PTPN3: variants seen among roughly 807,000 people sequenced by gnomAD.
The protein encoded by PTPN3 is protein tyrosine phosphatase non-receptor type 3.
In PTPN3, 96 loss-of-function variants were observed where a neutral mutation model predicts 132.7. That is an observed-to-expected ratio of 0.72 (90% CI 0.61 to 0.86). The LOEUF is 0.86. Among genes scored for constraint, PTPN3 ranks in the 40% least tolerant of loss-of-function variants. The pLI is 0.00. For synonymous variants in PTPN3, 398 were observed against 429.0 expected (o/e 0.93, Z 0.89); for missense variants, 1,125 against 1,159.6 (o/e 0.97, Z 0.43).
At chr9:109,486,691 G>A (rs1290792770) in intron 1 of PTPN3, among the ~76,000 whole-genome samples, 1 of 152,158 alleles carries the variant, frequency 6.6e-6, no homozygotes, top group Non-Finnish European at 1.5e-5. Context: ...GATTGGAAAT[G>A]CCCAGTGATA....
chr9:109,503,761 G>A, the PTPN3 span, among the ~76,000 whole-genome samples: 1 of 152,206 alleles, frequency 6.6e-6, no homozygotes, highest in East Asian at 1.9e-4. Context: ...GTAAAAGAGG[G>A]ATTTTGTCTG....
At chr9:109,429,633 C>T (rs1233755547) in intron 10 of PTPN3, among the ~76,000 whole-genome samples, 1 of 152,172 alleles carries the variant, frequency 6.6e-6, no homozygotes, top group African/African-American at 2.4e-5. Flanking sequence ...TTGCAGGATG[C>T]GAAACCCACA....
intron 9 of PTPN3, among the ~76,000 whole-genome samples, chr9:109,434,396 C>A (rs1480138496): frequency 1.4e-5 from 2 of 147,192 alleles, no homozygotes; most frequent in Non-Finnish European, 3.0e-5. Context: ...GCAGCCTCAA[C>A]CTCCTGGGCT....
chr9:109,411,010 G>A, intron 14 of PTPN3, among the ~76,000 whole-genome samples: 1 of 152,188 alleles, frequency 6.6e-6, no homozygotes, highest in East Asian at 1.9e-4. Flanking sequence ...GAGCTGCACT[G>A]TCTAGTATGG....
At chr9:109,463,065 G>A (rs559358479) in intron 2 of PTPN3, among the ~76,000 whole-genome samples, 17 of 151,238 alleles carry the variant, frequency 1.1e-4, no homozygotes, top group Non-Finnish European at 2.2e-4. Context: ...ACCAACATCT[G>A]AGCGTCAAAC....
intron 1 of PTPN3, among the ~76,000 whole-genome samples, chr9:109,479,328 G>C (rs1006624501): frequency 6.6e-6 from 1 of 152,136 alleles, no homozygotes; most frequent in African/African-American, 2.4e-5. Context: ...TGTTTTTAAG[G>C]TTCCTCCATA....
intron 19 of PTPN3, among the ~76,000 whole-genome samples, chr9:109,394,096 T>C (rs1339135276): frequency 6.6e-6 from 1 of 152,226 alleles, no homozygotes; most frequent in Non-Finnish European, 1.5e-5. Flanking sequence ...TAATGATTTA[T>C]TAGAGGTTTT....
chr9:109,451,991 C>T (rs542269800), intron 5 of PTPN3, among the ~76,000 whole-genome samples: 2 of 152,072 alleles, frequency 1.3e-5, no homozygotes, highest in South Asian at 2.1e-4. Context: ...GAAGTAAGGC[C>T]GGGCACAGAG....
chr9:109,413,445 T>G (rs1353359111), intron 14 of PTPN3, among the ~76,000 whole-genome samples: 1 of 152,160 alleles, frequency 6.6e-6, no homozygotes, highest in Non-Finnish European at 1.5e-5. Context: ...AATGAGTAAG[T>G]GGCAGCTGGC....
At chr9:109,435,459 C>T (rs1004712759) in intron 9 of PTPN3, among the ~76,000 whole-genome samples, 2 of 152,148 alleles carry the variant, frequency 1.3e-5, no homozygotes, top group Non-Finnish European at 2.9e-5. Context: ...GAAGCAGCCT[C>T]GACTGCTGAG....
In PTPN3 at chr9:109,408,601, G is replaced by A. The variant is rs550995713; in HGVS notation, c.1579-224C>T. 4.0e-5 allele frequency among the ~76,000 whole-genome samples: 6 copies of A among 151,596 alleles called. No individual in the cohort carries two copies. In the South Asian group the frequency reaches 1.3e-3, roughly 32 times the overall value. ...CCTCTGGATCCAGCGGGCTGACCAGGACTCTGTTCAGAAGCCTCCCTCTGC... is the reference window on the plus strand; with the variant it reads ...CCTCTGGATCCAGCGGGCTGACCAGAACTCTGTTCAGAAGCCTCCCTCTGC... On this transcript the variant is annotated intron_variant, in intron 16 of 25. Transcript: ENST00000374541.
chr9:109,432,425 T>G (rs543454534), intron 10 of PTPN3, among the ~76,000 whole-genome samples: 96 of 152,172 alleles, frequency 6.3e-4, no homozygotes, highest in Admixed American at 2.7e-3. Flanking sequence ...TGTACCTTCC[T>G]GGCAATGCGT....
At chr9:109,530,837 C>T in the PTPN3 span, among the ~76,000 whole-genome samples, 1 of 152,170 alleles carries the variant, frequency 6.6e-6, no homozygotes, top group Non-Finnish European at 1.5e-5. Context: ...AGCAACTTTT[C>T]ATGTCCTTAT....
At chr9:109,382,169 C>T (rs1168699509) in intron 24 of PTPN3, 133 bp downstream of exon 24, 3 of 1,143,900 alleles carry the variant, frequency 2.6e-6, no homozygotes, top group East Asian at 2.6e-5. Context: ...TGGTGAAGAA[C>T]CACAGTCAAC....
chr9:109,407,265 T>C (rs1324988839), intron 17 of PTPN3, among the ~76,000 whole-genome samples: 1 of 152,172 alleles, frequency 6.6e-6, no homozygotes, highest in Non-Finnish European at 1.5e-5. Flanking sequence ...GACACACCTG[T>C]GGTCTCAGCG....
At chr9:109,482,391 G>A (rs1415664891) in intron 1 of PTPN3, among the ~76,000 whole-genome samples, 1 of 152,202 alleles carries the variant, frequency 6.6e-6, no homozygotes, top group East Asian at 1.9e-4. Context: ...TTGTTATAAA[G>A]TTGTATCTAC....
At chr9:109,408,793 A>AT (rs1564404031) in intron 16 of PTPN3, among the ~76,000 whole-genome samples, 11,460 of 74,172 alleles carry the variant, frequency 0.15, 659 homozygotes, top group South Asian at 0.24. Context: ...AAAAAAAAAA[A>AT]AAAATATATA....
intron 2 of PTPN3, among the ~76,000 whole-genome samples, chr9:109,462,932 G>T (rs1196326152): frequency 1.3e-5 from 2 of 151,318 alleles, no homozygotes; most frequent in South Asian, 4.2e-4. Flanking sequence ...GCAACCTGAC[G>T]TGGGCTCTAA....
At chr9:109,470,660 C>T (rs1846334397) in intron 1 of PTPN3, among the ~76,000 whole-genome samples, 1 of 150,388 alleles carries the variant, frequency 6.6e-6, no homozygotes, top group African/African-American at 2.5e-5. Context: ...CGCACCACTG[C>T]TCTGCAGCCT....
Sources: gnomAD v4.1 joint callset for allele counts (sites outside exome capture counted in the v4.1 genomes callset) on GRCh38, gnomAD v4.1.1 for gene constraint, MANE v1.5 for transcripts, NCBI Gene and HGNC (gene_info 2026-07-23, HGNC 2026-07-21) for gene names.